TPRG1: variants seen among roughly 807,000 people sequenced by gnomAD.
The protein encoded by TPRG1 is tumor protein p63-regulated gene 1 protein.
A neutral mutation model predicts 29.3 loss-of-function variants in TPRG1; 29 were observed. That is an observed-to-expected ratio of 0.99 (90% CI 0.74 to 1.35). TPRG1 has a LOEUF of 1.35. TPRG1 is among the 40% of genes most tolerant of loss of function. The pLI, the probability that TPRG1 is intolerant of heterozygous loss-of-function variation, is 0.00. For missense variants in TPRG1, 327 were observed against 335.0 expected, an observed-to-expected ratio of 0.98 and a Z score of 0.19; for synonymous variants, 130 against 116.8, an observed-to-expected ratio of 1.11 and a Z score of -0.73.
intron 5 of TPRG1, among the ~76,000 whole-genome samples, chr3:189,312,907 G>A (rs1264581818): frequency 2.0e-5 from 3 of 152,174 alleles, no homozygotes; most frequent in Non-Finnish European, 4.4e-5. Flanking sequence ...AGAATAACAG[G>A]TGGGAGGCAC....
intron 2 of TPRG1, among the ~76,000 whole-genome samples, chr3:189,002,567 G>A (rs1712084416): frequency 6.6e-6 from 1 of 152,090 alleles, no homozygotes; most frequent in African/African-American, 2.4e-5. Flanking sequence ...TCACAGAGTT[G>A]GAAGAACCTT....
chr3:189,159,580 G>A (rs138568749), intron 5 of TPRG1, among the ~76,000 whole-genome samples: 31 of 152,200 alleles, frequency 2.0e-4, no homozygotes, highest in Non-Finnish European at 2.8e-4. Context: ...ATATTTGCTC[G>A]TGCTGATGAT....
intron 4 of TPRG1, among the ~76,000 whole-genome samples, chr3:189,092,305 C>G (rs1346726421): frequency 1.3e-5 from 2 of 152,308 alleles, no homozygotes; most frequent in East Asian, 3.9e-4. Context: ...TTCTGCGCCT[C>G]TAACAAGCTC....
intron 4 of TPRG1, among the ~76,000 whole-genome samples, chr3:189,289,599 G>A (rs1038946647): frequency 5.3e-5 from 8 of 152,122 alleles, no homozygotes; most frequent in Non-Finnish European, 1.0e-4. Context: ...AAATGGGGAT[G>A]ATGATAGTTT....
chr3:189,266,918 G>C (rs1311242452), intron 4 of TPRG1, among the ~76,000 whole-genome samples: 2 of 151,044 alleles, frequency 1.3e-5, no homozygotes, highest in Non-Finnish European at 2.9e-5. Context: ...CTTGGATATT[G>C]CTGCACCCAG....
chr3:189,088,571 C>T (rs187566628), intron 4 of TPRG1, among the ~76,000 whole-genome samples: 4 of 152,240 alleles, frequency 2.6e-5, no homozygotes, highest in Admixed American at 1.3e-4. Flanking sequence ...CCTCAAATGT[C>T]GGGGTTACTT....
rs1716264921 is a variant in TPRG1 at position 189,276,978 on chromosome 3, C to CCT, written c.480-33403_480-33402dup. ...CTTTCGGGATGAATCATAGTAGCCTCCTCTCTTTGCCTCCTTGTTACTTCA... is the reference window on the plus strand; with the variant it reads ...CTTTCGGGATGAATCATAGTAGCCTCCTCTCTCTTTGCCTCCTTGTTACTTCA... On this transcript the variant is annotated intron_variant, in intron 4 of 5. Coordinates refer to ENST00000345063, the MANE Select transcript of TPRG1 (RefSeq NM_198485.4). 3.9e-5 allele frequency among the ~76,000 whole-genome samples: 6 copies of CCT among 152,214 alleles called. No individual in the cohort carries two copies. The South Asian group carries it at 1.2e-3, about 32-fold the overall frequency.
chr3:189,186,756 GA>G (rs11320794), intron 1 of TPRG1, among the ~76,000 whole-genome samples: 72,047 of 147,684 alleles, frequency 0.49, 17,340 homozygotes, highest in South Asian at 0.55. Context: ...TAGTACATAT[GA>G]AAAAAAAAAA....
At chr3:189,183,507 C>T (rs1213440376) in intron 1 of TPRG1, among the ~76,000 whole-genome samples, 1 of 152,060 alleles carries the variant, frequency 6.6e-6, no homozygotes, top group African/African-American at 2.4e-5. Flanking sequence ...TCCTAATAAG[C>T]CTGGGAGTGC....
At chr3:189,220,794 T>C (rs1736826470) in intron 3 of TPRG1, among the ~76,000 whole-genome samples, 1 of 152,240 alleles carries the variant, frequency 6.6e-6, no homozygotes, top group Non-Finnish European at 1.5e-5. Flanking sequence ...TATGTCTGCA[T>C]AGTATTCCAT....
At chr3:189,256,747 T>G (rs142284755) in intron 4 of TPRG1, among the ~76,000 whole-genome samples, 7,843 of 152,266 alleles carry the variant, frequency 0.052, 428 homozygotes, top group African/African-American at 0.14. Flanking sequence ...TTGATCCCTT[T>G]ACCATTATGT....
chr3:189,253,289 C>T (rs776036919), intron 4 of TPRG1, among the ~76,000 whole-genome samples: 4 of 152,072 alleles, frequency 2.6e-5, no homozygotes, highest in Non-Finnish European at 4.4e-5. Context: ...AGTGAACTCC[C>T]ACTCATGTGG....
intron 3 of TPRG1, among the ~76,000 whole-genome samples, chr3:189,018,724 G>T (rs2152124063): frequency 6.6e-6 from 1 of 151,644 alleles, no homozygotes; most frequent in East Asian, 1.9e-4. Flanking sequence ...GCTCTTTTTT[G>T]GTTCCATATG....
chr3:189,196,547 C>G (rs1732558607), intron 1 of TPRG1, among the ~76,000 whole-genome samples: 1 of 152,052 alleles, frequency 6.6e-6, no homozygotes, highest in African/African-American at 2.4e-5. Context: ...AGGGAAACTC[C>G]CCTTTATAAA....
chr3:189,128,297 G>A (rs1041177319), intron 2 of TPRG1, among the ~76,000 whole-genome samples: 2 of 152,108 alleles, frequency 1.3e-5, no homozygotes, highest in African/African-American at 4.8e-5. Context: ...TGTCAGTATT[G>A]TGCAAAGACG....
chr3:189,258,235 T>C (rs13075761), intron 4 of TPRG1, among the ~76,000 whole-genome samples: 1 of 152,222 alleles, frequency 6.6e-6, no homozygotes, highest in East Asian at 1.9e-4. Context: ...TTCCTGTTTG[T>C]TAGTTTTCCT....
At chr3:189,003,953 T>C (rs1712158671) in intron 2 of TPRG1, among the ~76,000 whole-genome samples, 1 of 152,146 alleles carries the variant, frequency 6.6e-6, no homozygotes, top group South Asian at 2.1e-4. Flanking sequence ...CAGGAATGGA[T>C]CTTACCATAT....
Position 189,257,818 on chromosome 3 carries a change from C to T in TPRG1, c.479+18909C>T, listed in dbSNP as rs1473708119. Reference sequence around the variant, plus strand: ...TGGCTATTGATACTTGTGTATGCTTCACAAGGTTCTCGTGCTATGTTTCTC... The same window carrying T: ...TGGCTATTGATACTTGTGTATGCTTTACAAGGTTCTCGTGCTATGTTTCTC... On this transcript the variant is annotated intron_variant, in intron 4 of 5. Coordinates refer to ENST00000345063, the MANE Select transcript of TPRG1 (RefSeq NM_198485.4). Among the ~76,000 whole-genome samples the T allele has an allele frequency of 2.0e-5, 3 of 152,270 alleles. No individual in the cohort carries two copies. The South Asian group carries it at 6.2e-4, about 32-fold the overall frequency.
intron 4 of TPRG1, among the ~76,000 whole-genome samples, chr3:189,037,918 T>A (rs995646616): frequency 2.0e-5 from 3 of 151,162 alleles, no homozygotes; most frequent in Non-Finnish European, 4.4e-5. Context: ...TCAAAAGGCA[T>A]ACAAGATCTG....
Sources: allele counts gnomAD v4.1 joint callset (sites outside exome capture counted in the v4.1 genomes callset), GRCh38; gene constraint gnomAD v4.1.1; transcripts MANE v1.5; gene names NCBI Gene and HGNC (gene_info 2026-07-23, HGNC 2026-07-21).